Variants in PSEN2 observed in about 807,000 individuals in gnomAD.
PSEN2 encodes presenilin-2.
Under a neutral mutation model 49.1 loss-of-function variants are expected in PSEN2, and 32 were observed. The observed-to-expected ratio is 0.65, with a 90% CI of 0.49 to 0.88. The LOEUF (loss-of-function observed/expected upper bound fraction) is 0.88. Among genes scored for constraint, PSEN2 ranks in the 40% least tolerant of loss-of-function variants. The pLI, the probability that PSEN2 is intolerant of heterozygous loss-of-function variation, is 0.00. For synonymous variants in PSEN2, 255 were observed against 244.0 expected, an observed-to-expected ratio of 1.05 and a Z score of -0.42; for missense variants, 522 against 586.9, an observed-to-expected ratio of 0.89 and a Z score of 1.14.
In PSEN2 at chr1:226,888,815, C is replaced by A; in HGVS notation, c.567-14C>A. ...CACTGAGTCCCAGTCACAGGCTCCACCTTGGTCCTGCAGGGAAGTGCTCAA... is the reference window on the plus strand; with the variant it reads ...CACTGAGTCCCAGTCACAGGCTCCAACTTGGTCCTGCAGGGAAGTGCTCAA... On this transcript the variant is annotated splice_polypyrimidine_tract_variant and intron_variant, in intron 7 of 12. Transcript: ENST00000366783. 6.2e-7 allele frequency: 1 copy of A among 1,610,998 alleles called. No individual in the cohort carries two copies.
chr1:226,874,272 G>A (rs536892251), intron 2 of PSEN2, among the ~76,000 whole-genome samples: 47 of 152,288 alleles, frequency 3.1e-4, no homozygotes, highest in African/African-American at 1.1e-3. Flanking sequence ...AGTGCTGACT[G>A]GGCTGAGAAG....
Position 226,894,085 on chromosome 1 carries a change from A to G in PSEN2, c.1151A>G (p.Asp384Gly). Residue 384 changes from aspartate (D) to glycine (G), a missense_variant, in exon 12 of 13, where the codon GAC (aspartate) becomes GGC (glycine). Transcript: ENST00000366783. ...VGKAAATGSG[D>G]WNTTLACFVA... ...AAGGCGGCTGCCACGGGCAGCGGGG[A>G]CTGGAATACCACGCTGGCCTGCTTC... The G allele has an allele frequency of 6.2e-7, 1 of 1,614,112 alleles. No individual in the cohort carries two copies. The highest frequency in any genetic ancestry group is 8.5e-7 in the Non-Finnish European group (1 of 1,180,008).
At chr1:226,885,272 G>A (rs1661280605) in intron 5 of PSEN2, among the ~76,000 whole-genome samples, 1 of 152,134 alleles carries the variant, frequency 6.6e-6, no homozygotes, top group Admixed American at 6.5e-5. Flanking sequence ...GGGGAAAGCA[G>A]CAGGGAGGTC....
chr1:226,891,853 C>A lies in PSEN2; in HGVS notation c.1072+9C>A, dbSNP rs1428746818. ...GGAGGAAGAGGAGGAAAGTAAGGTG[C>A]CCATGTTCACACGGCCTGCTTCAGC... On this transcript the variant is annotated intron_variant, in intron 11 of 12. Coordinates refer to ENST00000366783, the MANE Select transcript of PSEN2 (RefSeq NM_000447.3). 1 of 1,610,410 alleles carries A rather than the reference C, an allele frequency of 6.2e-7. No homozygotes were observed.
intron 12 of PSEN2, 84 bp from the exon 13 acceptor site, chr1:226,895,340 C>T: frequency 6.5e-7 from 1 of 1,530,758 alleles, no homozygotes; most frequent in Non-Finnish European, 9.0e-7. Flanking sequence ...GAACAAGCTC[C>T]TGTGCCCAGG....
rs200568747 is a variant in PSEN2, at chr1:226,896,034, C to T, written c.*455C>T. The T allele has an allele frequency of 1.3e-5, 3 of 227,260 alleles. No individual in the cohort carries two copies. Among genetic ancestry groups the T allele is most frequent in the South Asian group, 6.9e-5 (1 of 14,412 alleles). The allele number at this position is 227,260 out of a possible 1,614,324, so 14.1% of individuals were successfully genotyped here. A position where few individuals can be genotyped will look rare whatever the true frequency, so the allele number is the denominator to read the frequency against. On this transcript the variant is annotated 3_prime_UTR_variant, in exon 13 of 13. Coordinates refer to ENST00000366783, the MANE Select transcript of PSEN2 (RefSeq NM_000447.3). ...TAGAAACTGAGTCCTGTTCTTGTTA[C>T]GGCAGTCACACTGCTGGGAAGTGGC...
intron 2 of PSEN2, among the ~76,000 whole-genome samples, chr1:226,872,284 G>A (rs1443269539): frequency 1.3e-5 from 2 of 152,104 alleles, no homozygotes. Context: ...CATATATCTC[G>A]CTTATGAGTT....
chr1:226,886,289 C>T (rs1482094481), intron 6 of PSEN2, among the ~76,000 whole-genome samples: 1 of 152,320 alleles, frequency 6.6e-6, no homozygotes, highest in East Asian at 1.9e-4. Flanking sequence ...CTATTTTAGG[C>T]TCCCCTCACC....
chr1:226,900,273 C>T (rs74139854), downstream of PSEN2, among the ~76,000 whole-genome samples: 5,025 of 152,182 alleles, frequency 0.033, 282 homozygotes, highest in African/African-American at 0.11. Flanking sequence ...AGACCCTCTG[C>T]CCCCCACCGC....
chr1:226,899,700 C>T (rs1053581031), downstream of PSEN2: 1 of 152,308 alleles, frequency 6.6e-6, no homozygotes, highest in African/African-American at 2.4e-5. Context: ...TTCACAGGCA[C>T]AGGCAGCTTG....
intron 12 of PSEN2, among the ~76,000 whole-genome samples, chr1:226,895,179 T>C (rs1008872583): frequency 4.6e-5 from 7 of 152,176 alleles, no homozygotes; most frequent in African/African-American, 1.7e-4. Context: ...ACAGCACTGC[T>C]CCAGGAGTCA....
At chr1:226,874,462 A>G (rs141848347) in intron 2 of PSEN2, among the ~76,000 whole-genome samples, 191 of 152,200 alleles carry the variant, frequency 1.3e-3, no homozygotes, top group African/African-American at 4.3e-3. Flanking sequence ...TCCTATGGAT[A>G]TGTCCTTTCA....
downstream of PSEN2, chr1:226,898,982 A>G (rs1191096630): frequency 6.6e-6 from 1 of 152,114 alleles, no homozygotes; most frequent in Non-Finnish European, 1.5e-5. Flanking sequence ...TGTCTTACGG[A>G]TATTTAAGCC....
In PSEN2 at chr1:226,885,550, A is replaced by T; in HGVS notation, c.369A>T (p.Pro123=). Residue 123 remains proline, a synonymous_variant, in exon 6 of 13, where the codon CCA becomes CCT. Coordinates refer to ENST00000366783, the MANE Select transcript of PSEN2 (RefSeq NM_000447.3). ...TEKNGQLIYT[P]FTEDTPSVGQ... is the part of the protein sequence containing the mutation. ...CCTTCTCCCTCAGCATCTACACGCC[A>T]TTCACTGAGGACACACCCTCGGTGG... 1 of 1,614,020 alleles carries T rather than the reference A, an allele frequency of 6.2e-7. No individual in the cohort carries two copies. The highest frequency in any genetic ancestry group is 2.2e-5 in the East Asian group (1 of 44,862).
intron 11 of PSEN2, 59 bp from the exon 12 acceptor site, chr1:226,893,948 C>T: frequency 6.8e-7 from 1 of 1,465,950 alleles, no homozygotes; most frequent in East Asian, 2.3e-5. Context: ...CAGAGTTTCT[C>T]TTCTTTTTCC....
chr1:226,891,280 G>A lies in PSEN2; in HGVS notation c.889G>A (p.Ala297Thr). The change falls in exon 10 of 13, where the codon GCC (alanine) becomes ACC (threonine). Residue 297 changes from alanine to threonine, a missense_variant and splice_region_variant. Ala to Thr is a moderately conservative substitution (Grantham distance 58). Coordinates refer to ENST00000366783, the MANE Select transcript of PSEN2 (RefSeq NM_000447.3). ...GTGAACCTTTTCTCCTCCCCCAGCT[G>A]CCATGGTGTGGACGGTTGGCATGGC... ...PIFPALIYSS[A>T]MVWTVGMAKL... The A allele has an allele frequency of 6.2e-7, 1 of 1,613,752 alleles. No homozygotes were observed. The highest frequency in any genetic ancestry group is 8.5e-7 in the Non-Finnish European group (1 of 1,179,940).
rs201683508 is a variant in PSEN2, at chr1:226,894,136, G to A, written c.1191+11G>A. The stretch of plus-strand genomic sequence containing the variant: ...GTGGCCATCCTCATTGTGAGTGGCT[G>A]GGGATGCGTCCAGCTGCCTCGTGGT... On this transcript the variant is annotated intron_variant, in intron 12 of 12. Transcript: ENST00000366783. 44 of 1,610,346 alleles carry A rather than the reference G, an allele frequency of 2.7e-5. 2 individuals carry two copies. In the South Asian group the frequency reaches 4.5e-4, roughly 17 times the overall value.
intron 3 of PSEN2, among the ~76,000 whole-genome samples, chr1:226,881,298 C>T (rs1660972263): frequency 6.6e-6 from 1 of 152,204 alleles, no homozygotes; most frequent in Non-Finnish European, 1.5e-5. Flanking sequence ...ATCTCCACTG[C>T]CCGCCCCACA....
In PSEN2 at chr1:226,894,201, C is replaced by T. The variant is rs145720978; in HGVS notation, c.1191+76C>T. On this transcript the variant is annotated intron_variant, in intron 12 of 12. Transcript: ENST00000366783. ...TCCTCATTGTGGTGGGGGCAGGTCT[C>T]AGGATCCCTAGGGATTTTTCATTTC... is the stretch of plus-strand genomic sequence containing the variant. 2.8e-4 allele frequency: 292 copies of T among 1,036,532 alleles called. 2 individuals are homozygous for T. In the African/African-American group the frequency reaches 4.3e-3, roughly 15 times the overall value. 64.2% of individuals were successfully genotyped at this position (1,036,532 alleles called of 1,614,324 possible).
Sources: gnomAD v4.1 joint callset for allele counts (sites outside exome capture counted in the v4.1 genomes callset) on GRCh38, gnomAD v4.1.1 for gene constraint, MANE v1.5 for transcripts, NCBI Gene and HGNC (gene_info 2026-07-23, HGNC 2026-07-21) for gene names.